GRIK2: variants seen among roughly 807,000 people sequenced by gnomAD.
The protein encoded by GRIK2 is glutamate ionotropic receptor kainate type subunit 2.
Under a neutral mutation model 100.3 loss-of-function variants are expected in GRIK2, and 32 were observed. That is an observed-to-expected ratio of 0.32 (90% confidence interval 0.24 to 0.43). The LOEUF is 0.43. Ranked by LOEUF, GRIK2 falls within the 20% of genes least tolerant of loss-of-function variation. The pLI, the probability that GRIK2 is intolerant of heterozygous loss-of-function variation, is 1.00. For synonymous variants in GRIK2, 417 were observed against 389.4 expected, an observed-to-expected ratio of 1.07 and a Z score of -0.83; for missense variants, 843 against 1,114.9, an observed-to-expected ratio of 0.76 and a Z score of 3.47.
chr6:101,731,341 G>A (rs1305628587), intron 7 of GRIK2, among the ~76,000 whole-genome samples: 3 of 151,906 alleles, frequency 2.0e-5, no homozygotes, highest in Non-Finnish European at 4.4e-5. Flanking sequence ...AGAACTTTAG[G>A]AAGGAGTGAA....
intron 7 of GRIK2, among the ~76,000 whole-genome samples, chr6:101,721,046 T>C (rs753850843): frequency 3.3e-5 from 5 of 152,056 alleles, no homozygotes; most frequent in Non-Finnish European, 5.9e-5. Flanking sequence ...ACCATTCAGA[T>C]AGGTGGTTCT....
intron 14 of GRIK2, among the ~76,000 whole-genome samples, chr6:101,931,374 A>G (rs1295453424): frequency 1.3e-5 from 2 of 152,126 alleles, no homozygotes; most frequent in African/African-American, 4.8e-5. Context: ...AGGAATCTCT[A>G]TCTTGTTTTT....
chr6:101,543,685 T>G (rs1776107594), intron 2 of GRIK2, among the ~76,000 whole-genome samples: 2 of 152,192 alleles, frequency 1.3e-5, no homozygotes, highest in East Asian at 3.9e-4. Flanking sequence ...ATTCAGTCTC[T>G]CTGTGACTGG....
chr6:101,399,171 G>C lies in GRIK2; in HGVS notation c.-107G>C. 1.4e-6 allele frequency: 1 copy of C among 718,544 alleles called. No individual in the cohort carries two copies. Among genetic ancestry groups the C allele is most frequent in the Non-Finnish European group, 2.6e-6 (1 of 387,402 alleles). 44.5% of individuals were successfully genotyped at this position (718,544 alleles called of 1,614,324 possible). On this transcript the variant is annotated 5_prime_UTR_variant, in exon 2 of 17. The change abolishes the stop of an existing upstream ORF in the 5' untranslated region. Coordinates refer to ENST00000369134, the MANE Select transcript of GRIK2 (RefSeq NM_021956.5). ...CTTCCTCTCTCTATGACCATGCCGT[G>C]ATCGTGTCTGCGGTCACCACTCGAC...
intron 2 of GRIK2, among the ~76,000 whole-genome samples, chr6:101,616,155 C>A (rs1041683569): frequency 6.6e-6 from 1 of 151,718 alleles, no homozygotes; most frequent in Non-Finnish European, 1.5e-5. Flanking sequence ...TTGGTTCTTT[C>A]CCTCTGCATA....
At chr6:102,055,988 A>G (rs1414930517) in intron 16 of GRIK2, among the ~76,000 whole-genome samples, 1 of 151,846 alleles carries the variant, frequency 6.6e-6, no homozygotes, top group East Asian at 1.9e-4. Context: ...TATATACAAT[A>G]TGGGTTAACA....
At chr6:101,687,878 CT>C (rs1362217899) in intron 7 of GRIK2, among the ~76,000 whole-genome samples, 1 of 151,046 alleles carries the variant, frequency 6.6e-6, no homozygotes, top group Non-Finnish European at 1.5e-5. Context: ...AAATATTTTC[CT>C]TCAAAGTGGA....
At chr6:101,560,274 A>AT (rs1366978513) in intron 2 of GRIK2, among the ~76,000 whole-genome samples, 2 of 152,186 alleles carry the variant, frequency 1.3e-5, no homozygotes, top group African/African-American at 2.4e-5. Flanking sequence ...TCTTGAAAAT[A>AT]TTTTTTATAA....
intron 7 of GRIK2, among the ~76,000 whole-genome samples, chr6:101,755,161 G>GTTTTTTTTTTTTTTTTT (rs1157640683): frequency 9.7e-6 from 1 of 102,958 alleles, no homozygotes; most frequent in Admixed American, 1.2e-4. Flanking sequence ...TTTCTTTTTG[G>GTTTTTTTTTTTTTTTTT]TTTTTTTTTT....
intron 7 of GRIK2, chr6:101,744,970 A>G (rs1776337261): frequency 6.6e-6 from 1 of 152,058 alleles, no homozygotes; most frequent in Non-Finnish European, 1.5e-5. Context: ...GTTTAATTCT[A>G]AGCTTCCTTG....
intron 11 of GRIK2, among the ~76,000 whole-genome samples, chr6:101,862,281 T>G (rs908888045): frequency 1.3e-5 from 2 of 152,156 alleles, no homozygotes; most frequent in African/African-American, 4.8e-5. Flanking sequence ...ATTTTTAACT[T>G]AAAATACTCA....
chr6:101,853,165 T>C lies in GRIK2; in HGVS notation c.1318-6122T>C, dbSNP rs541144008. Among the ~76,000 whole-genome samples the C allele has an allele frequency of 2.0e-5, 3 of 152,252 alleles. No individual in the cohort carries two copies. In the East Asian group the frequency reaches 5.8e-4, roughly 29 times the overall value. On this transcript the variant is annotated intron_variant, in intron 10 of 16. Coordinates refer to ENST00000369134, the MANE Select transcript of GRIK2 (RefSeq NM_021956.5). ...AACCTAAAATAGTGGGAAAAGTAGG[T>C]ATTGTGGAAGTTGAAAAACCTAGGT...
chr6:101,878,084 ATTAT>A (rs1163211165), intron 11 of GRIK2, among the ~76,000 whole-genome samples: 1 of 102,824 alleles, frequency 9.7e-6, no homozygotes, highest in African/African-American at 4.5e-5. Context: ...ATTATATTAT[ATTAT>A]ATTATATTAT....
chr6:101,978,642 G>C (rs1793541312), intron 14 of GRIK2, among the ~76,000 whole-genome samples: 1 of 151,806 alleles, frequency 6.6e-6, no homozygotes, highest in Non-Finnish European at 1.5e-5. Flanking sequence ...TTTTTTTCTG[G>C]TAGAATTGCT....
intron 4 of GRIK2, among the ~76,000 whole-genome samples, chr6:101,627,694 C>T (rs1780527883): frequency 6.6e-6 from 1 of 152,128 alleles, no homozygotes; most frequent in South Asian, 2.1e-4. Flanking sequence ...GTTTGTGGAA[C>T]TGCTTTTGTG....
intron 7 of GRIK2, among the ~76,000 whole-genome samples, chr6:101,719,217 A>G (rs1198204731): frequency 7.8e-6 from 1 of 128,394 alleles, no homozygotes; most frequent in African/African-American, 3.4e-5. Context: ...AATTTGTTGC[A>G]TGGCAGATTT....
intron 2 of GRIK2, among the ~76,000 whole-genome samples, chr6:101,448,821 G>A (rs1297766267): frequency 1.3e-5 from 2 of 151,648 alleles, no homozygotes; most frequent in Admixed American, 1.3e-4. Context: ...TGGACTTTGG[G>A]TAGAAGCATA....
chr6:101,569,654 C>A (rs1002718874), intron 2 of GRIK2, among the ~76,000 whole-genome samples: 4 of 151,844 alleles, frequency 2.6e-5, no homozygotes, highest in African/African-American at 9.7e-5. Flanking sequence ...CCAGGGAATT[C>A]TTTATGTTTA....
At chr6:101,568,549 C>T (rs1007701797) in intron 2 of GRIK2, among the ~76,000 whole-genome samples, 2 of 151,846 alleles carry the variant, frequency 1.3e-5, no homozygotes, top group Admixed American at 1.3e-4. Flanking sequence ...GTACTTGTAT[C>T]CTAAAGAAAT....
Sources: allele counts gnomAD v4.1 joint callset (sites outside exome capture counted in the v4.1 genomes callset), GRCh38; gene constraint gnomAD v4.1.1; transcripts MANE v1.5; gene names NCBI Gene and HGNC (gene_info 2026-07-23, HGNC 2026-07-21).